Variants in FGF14 observed in about 807,000 individuals in gnomAD.
FGF14 encodes fibroblast growth factor homologous factor 4.
Under a neutral mutation model 25.5 loss-of-function variants are expected in FGF14, and 5 were observed. That is an observed-to-expected ratio of 0.20 (90% CI 0.10 to 0.41). The LOEUF (loss-of-function observed/expected upper bound fraction) is 0.41. Among genes scored for constraint, FGF14 ranks in the 10% least tolerant of loss-of-function variants. The probability of loss-of-function intolerance (pLI) is 1.00; values close to 1 mark genes in which losing one functional copy is unlikely to be tolerated. For missense variants in FGF14, 222 were observed against 320.1 expected (o/e 0.69, Z 2.34); for synonymous variants, 138 against 118.3 (o/e 1.17, Z -1.08).
chr13:102,237,643 A>G (rs1484152624), intron 1 of FGF14, among the ~76,000 whole-genome samples: 1 of 151,730 alleles, frequency 6.6e-6, no homozygotes, highest in Non-Finnish European at 1.5e-5. Context: ...ATTTTTTGAT[A>G]TTACCAGAAT....
At chr13:102,116,667 T>A (rs182185672) in intron 1 of FGF14, among the ~76,000 whole-genome samples, 137 of 152,162 alleles carry the variant, frequency 9.0e-4, no homozygotes, top group Non-Finnish European at 1.6e-3. Context: ...AACAGGGGCA[T>A]GAGGGAATGG....
chr13:102,194,815 G>A (rs902947396), intron 1 of FGF14, among the ~76,000 whole-genome samples: 11 of 151,964 alleles, frequency 7.2e-5, no homozygotes, highest in Admixed American at 3.9e-4. Context: ...TATCATAATC[G>A]AATTGTTGTC....
intron 3 of FGF14, among the ~76,000 whole-genome samples, chr13:101,805,935 G>A (rs1413064890): frequency 1.3e-5 from 2 of 151,750 alleles, no homozygotes; most frequent in Admixed American, 6.6e-5. Flanking sequence ...TATGACATAT[G>A]TATATTCAAT....
chr13:102,174,251 C>T (rs1354849281), intron 1 of FGF14, among the ~76,000 whole-genome samples: 2 of 151,796 alleles, frequency 1.3e-5, no homozygotes, highest in East Asian at 3.9e-4. Flanking sequence ...TCTCCTACCT[C>T]AGTCTCCCGA....
At chr13:101,732,948 A>T (rs1168501206) in intron 3 of FGF14, among the ~76,000 whole-genome samples, 1 of 152,162 alleles carries the variant, frequency 6.6e-6, no homozygotes, top group African/African-American at 2.4e-5. Context: ...GCAGAGATTT[A>T]TCCCAATCTC....
chr13:102,327,326 C>A lies in FGF14; in HGVS notation c.208+74145G>T, dbSNP rs114343838. ...GGAGCAGTGGGTCAAGTCAACACAC[C>A]ACAACATAAAACCACTTAAAAGTCA... On this transcript the variant is annotated intron_variant, in intron 1 of 4. Coordinates refer to the FGF14 transcript ENST00000376131. 5.0e-3 allele frequency among the ~76,000 whole-genome samples: 754 copies of A among 152,296 alleles called. 4 individuals are homozygous for A. Among genetic ancestry groups the A allele is most frequent in the African/African-American group, 0.017 (702 of 41,564 alleles).
chr13:101,934,316 G>A (rs1180693903), intron 1 of FGF14, among the ~76,000 whole-genome samples: 2 of 152,102 alleles, frequency 1.3e-5, no homozygotes, highest in African/African-American at 4.8e-5. Flanking sequence ...CCAGTAACAA[G>A]AATAAACTTC....
At chr13:102,208,868 T>C (rs2050049134) in intron 1 of FGF14, among the ~76,000 whole-genome samples, 1 of 152,106 alleles carries the variant, frequency 6.6e-6, no homozygotes, top group African/African-American at 2.4e-5. Context: ...ACACAAACAA[T>C]ATAAAAAGAC....
intron 1 of FGF14, among the ~76,000 whole-genome samples, chr13:102,136,838 T>C (rs2046433320): frequency 6.6e-6 from 1 of 152,214 alleles, no homozygotes; most frequent in Non-Finnish European, 1.5e-5. Flanking sequence ...ATTTGATGTA[T>C]GCCAGATAAA....
rs377147529 is a variant in FGF14, at chr13:101,726,784, A to G, written c.435T>C (p.Phe145=). The G allele has an allele frequency of 6.2e-7, 1 of 1,611,540 alleles. No homozygotes were observed. The highest frequency in any genetic ancestry group is 1.3e-5 in the African/African-American group (1 of 74,878). The part of the protein sequence containing the change: ...PSELFTPECK[F]KESVFENYYV... ...AATAATTTTCAAAAACAGATTCTTT[A>G]AACTTGCATTCAGGGGTAAAAAGTT... is the stretch of plus-strand genomic sequence containing the variant. The change falls in exon 4 of 5, where the codon TTT becomes TTC. Residue 145 remains phenylalanine, a synonymous_variant. Coordinates refer to ENST00000376143, the MANE Select transcript of FGF14 (RefSeq NM_004115.4).
chr13:102,039,055 G>A (rs996154109), intron 1 of FGF14, among the ~76,000 whole-genome samples: 2 of 152,106 alleles, frequency 1.3e-5, no homozygotes, highest in Non-Finnish European at 2.9e-5. Context: ...TGTAATAGGG[G>A]AAAATAGACT....
At chr13:102,067,123 A>G (rs1211347839) in intron 1 of FGF14, among the ~76,000 whole-genome samples, 3 of 152,206 alleles carry the variant, frequency 2.0e-5, no homozygotes, top group Admixed American at 6.5e-5. Context: ...CCTCATGAAC[A>G]GTAGTTCGCA....
intron 3 of FGF14, among the ~76,000 whole-genome samples, chr13:101,748,747 TAAAAAAAA>T (rs55785965): frequency 5.7e-5 from 4 of 70,720 alleles, no homozygotes; most frequent in South Asian, 6.3e-4. Context: ...TGGAGGTTTC[TAAAAAAAA>T]AAAAAAAAAA....
intron 1 of FGF14, among the ~76,000 whole-genome samples, chr13:102,177,058 G>T (rs2048479653): frequency 6.6e-6 from 1 of 152,150 alleles, no homozygotes; most frequent in Admixed American, 6.5e-5. Context: ...GGTTCAGATA[G>T]TGAAAGAACG....
chr13:102,064,060 G>T (rs977289209), intron 1 of FGF14, among the ~76,000 whole-genome samples: 32 of 152,066 alleles, frequency 2.1e-4, no homozygotes, highest in African/African-American at 7.5e-4. Flanking sequence ...TTTGAGCAAG[G>T]AACATTTAAT....
chr13:101,882,871 G>A (rs1359232222), intron 1 of FGF14, among the ~76,000 whole-genome samples: 1 of 152,090 alleles, frequency 6.6e-6, no homozygotes, highest in Non-Finnish European at 1.5e-5. Context: ...TCCCTTCTGA[G>A]TTTCTTTTCC....
chr13:102,258,738 G>T (rs1170305699), intron 1 of FGF14, among the ~76,000 whole-genome samples: 4 of 152,164 alleles, frequency 2.6e-5, no homozygotes, highest in Admixed American at 2.6e-4. Flanking sequence ...CATGAGCTTT[G>T]TGAGAGATGT....
intron 1 of FGF14, among the ~76,000 whole-genome samples, chr13:102,290,091 T>C (rs2141257438): frequency 6.6e-6 from 1 of 152,348 alleles, no homozygotes; most frequent in Middle Eastern, 3.4e-3. Flanking sequence ...GTAACTCAAA[T>C]GGTACAATGA....
chr13:102,359,602 G>A (rs1033439375), intron 1 of FGF14, among the ~76,000 whole-genome samples: 1 of 152,044 alleles, frequency 6.6e-6, no homozygotes, highest in Non-Finnish European at 1.5e-5. Flanking sequence ...TTTGAAAATT[G>A]GTAACAGTAC....
Sources: allele counts gnomAD v4.1 joint callset (sites outside exome capture counted in the v4.1 genomes callset), GRCh38; gene constraint gnomAD v4.1.1; transcripts MANE v1.5; gene names NCBI Gene and HGNC (gene_info 2026-07-23, HGNC 2026-07-21).